C1QTNF2: variants seen among roughly 807,000 people sequenced by gnomAD.
C1QTNF2 encodes the protein C1q and TNF related 2, also known as complement C1q tumor necrosis factor-related protein 2.
A neutral mutation model predicts 17.4 loss-of-function variants in C1QTNF2; 15 were observed. The observed-to-expected ratio is 0.86, with a 90% confidence interval of 0.58 to 1.33. The LOEUF is 1.33. Among genes scored for constraint, C1QTNF2 ranks in the 40% most tolerant of loss-of-function variants. The pLI is 0.00. For synonymous variants in C1QTNF2, 154 were observed against 163.3 expected (o/e 0.94, Z 0.44); for missense variants, 381 against 392.3 (o/e 0.97, Z 0.24).
In C1QTNF2 at chr5:160,349,071, ACTCGACCCCCCACCCC is replaced by A; in HGVS notation, c.*81_*96del. 1 of 1,467,998 alleles carries A rather than the reference ACTCGACCCCCCACCCC, an allele frequency of 6.8e-7. No individual in the cohort carries two copies. The highest frequency in any genetic ancestry group is 9.1e-7 in the Non-Finnish European group (1 of 1,093,784). The allele number at this position is 1,467,998 out of a possible 1,614,324, so 90.9% of individuals were successfully genotyped here. On this transcript the variant is annotated 3_prime_UTR_variant, in exon 3 of 3. Coordinates refer to ENST00000652664, the MANE Select transcript of C1QTNF2 (RefSeq NM_031908.6). The surrounding 1 kb of genome is among the most constrained non-coding windows in gnomAD (Gnocchi z 4.3). ...GGTGAGCCTGAGGCTAGAACCGCTC[ACTCGACCCCCCACCCC>A]CAGCCTACAGTTGTGGGGTCTTGCT...
intron 2 of C1QTNF2, among the ~76,000 whole-genome samples, chr5:160,354,510 C>A (rs1298697073): frequency 1.3e-5 from 2 of 148,680 alleles, no homozygotes; most frequent in Non-Finnish European, 3.0e-5. Flanking sequence ...TCCCAGGAGG[C>A]AGAGGTTGCA....
chr5:160,367,406 G>T (rs1314055867), intron 1 of C1QTNF2, among the ~76,000 whole-genome samples: 1 of 152,198 alleles, frequency 6.6e-6, no homozygotes, highest in Non-Finnish European at 1.5e-5. Flanking sequence ...CTAACTCTTA[G>T]ATTATCAGAA....
intron 2 of C1QTNF2, among the ~76,000 whole-genome samples, 170 bp downstream of exon 2, chr5:160,354,598 G>GTATATATATA (rs1172776724): frequency 0.054 from 1,631 of 30,090 alleles, 82 homozygotes; most frequent in Non-Finnish European, 0.059. Flanking sequence ...AAAAAAAAAA[G>GTATATATATA]TATATATATA....
rs1036719393 is a variant in C1QTNF2, at chr5:160,355,086, G to A, written c.-9-66C>T. 11 of 1,462,068 alleles carry A rather than the reference G, an allele frequency of 7.5e-6. No homozygotes were observed. The African/African-American group carries it at 1.4e-4, about 19-fold the overall frequency. The allele number at this position is 1,462,068 out of a possible 1,614,324, so 90.6% of individuals were successfully genotyped here. On this transcript the variant is annotated intron_variant, in intron 1 of 2. Transcript: ENST00000652664. ...CCAAGCTGACCTGGGGCTGGTCAGAGGGGATGCACAGGAGGAGGCAGCTGG... is the reference window on the plus strand; with the variant it reads ...CCAAGCTGACCTGGGGCTGGTCAGAAGGGATGCACAGGAGGAGGCAGCTGG...
At position 160,354,623 on chromosome 5, in the gene C1QTNF2, T is replaced by TAGATAG. The variant is rs1356180469; in HGVS notation, c.244+144_244+145insCTATCT. The stretch of plus-strand genomic sequence containing the variant: ...GTATATATATATATATATATATATA[T>TAGATAG]ATATATATATAGATTTATAAGTAAA... On this transcript the variant is annotated intron_variant, in intron 2 of 2. Coordinates refer to ENST00000652664, the MANE Select transcript of C1QTNF2 (RefSeq NM_031908.6). 495 of 231,354 alleles carry TAGATAG rather than the reference T, an allele frequency of 2.1e-3. 6 individuals are homozygous for TAGATAG. Among genetic ancestry groups the TAGATAG allele is most frequent in the African/African-American group, 0.015 (464 of 31,404 alleles). 14.3% of individuals were successfully genotyped at this position (231,354 alleles called of 1,614,324 possible). A position where few individuals can be genotyped will look rare whatever the true frequency, so the allele number is the denominator to read the frequency against.
At chr5:160,366,225 G>A (rs993029987) in intron 1 of C1QTNF2, among the ~76,000 whole-genome samples, 3 of 152,110 alleles carry the variant, frequency 2.0e-5, no homozygotes, top group African/African-American at 4.8e-5. Flanking sequence ...CATTCGGCCC[G>A]TGAGCTTTTA....
intron 1 of C1QTNF2, among the ~76,000 whole-genome samples, chr5:160,355,841 T>C (rs1451696337): frequency 1.3e-5 from 2 of 152,110 alleles, no homozygotes; most frequent in African/African-American, 4.8e-5. Context: ...CTATCGTTAG[T>C]GTATTTTATG....
At chr5:160,369,716 C>G (rs1764314360) in intron 1 of C1QTNF2, among the ~76,000 whole-genome samples, 1 of 152,142 alleles carries the variant, frequency 6.6e-6, no homozygotes, top group Non-Finnish European at 1.5e-5. Context: ...AGAGGAGGAT[C>G]ACAATGAGGT....
rs1763827455 is a variant in C1QTNF2 at position 160,347,759 on chromosome 5, TTTTTTTTTTTG to T, written c.*1398_*1408del. 1 of 150,634 alleles carries T rather than the reference TTTTTTTTTTTG, an allele frequency of 6.6e-6. No homozygotes were observed. Among genetic ancestry groups the T allele is most frequent in the African/African-American group, 2.5e-5 (1 of 40,760 alleles). 9.3% of individuals were successfully genotyped at this position (150,634 alleles called of 1,614,324 possible). A position where few individuals can be genotyped will look rare whatever the true frequency, so the allele number is the denominator to read the frequency against. On this transcript the variant is annotated 3_prime_UTR_variant, in exon 3 of 3. Transcript: ENST00000652664. ...TACCTGCGTTTTTGTTTTTGTTTTT[TTTTTTTTTTTG>T]TTTTTTTTTGAGATAGTCTCACTCT...
At chr5:160,367,057 G>A (rs921154960) in intron 1 of C1QTNF2, among the ~76,000 whole-genome samples, 12 of 150,988 alleles carry the variant, frequency 7.9e-5, no homozygotes, top group Admixed American at 5.9e-4. Flanking sequence ...AATAAACAAC[G>A]TGCAGAGACT....
At chr5:160,357,902 A>G (rs1225933769) in intron 1 of C1QTNF2, among the ~76,000 whole-genome samples, 1 of 152,182 alleles carries the variant, frequency 6.6e-6, no homozygotes, top group Non-Finnish European at 1.5e-5. Flanking sequence ...CAGCCGGACG[A>G]GAGAGAGGGA....
In C1QTNF2 at chr5:160,362,913, T is replaced by C. The variant is rs917599098; in HGVS notation, c.-10+7599A>G. Among the ~76,000 whole-genome samples, 19 of 152,344 alleles carry C rather than the reference T, an allele frequency of 1.2e-4. No individual in the cohort carries two copies. In the East Asian group the frequency reaches 3.7e-3, roughly 29 times the overall value. ...GGGTTATTCAGAGAATCAAATAAGATAGTGGATTTGAAAACAAAACGTGAT... is the reference window on the plus strand; with the variant it reads ...GGGTTATTCAGAGAATCAAATAAGACAGTGGATTTGAAAACAAAACGTGAT... On this transcript the variant is annotated intron_variant, in intron 1 of 2. Transcript: ENST00000652664.
Position 160,349,561 on chromosome 5 carries a change from T to A in C1QTNF2, c.465A>T (p.Ala155=). 1 of 1,612,202 alleles carries A rather than the reference T, an allele frequency of 6.2e-7. No individual in the cohort carries two copies. ...GCTCCCGTGGGTAGCTCTTGGTCAC[T>A]GCCACCGAGAAAGCTGACTTGGTAT... ...SGHTKSAFSV[A]VTKSYPRERL... Residue 155 remains alanine (A), a synonymous_variant, in exon 3 of 3, where the codon GCA becomes GCT. Transcript: ENST00000652664. The surrounding 1 kb of genome is among the most constrained non-coding windows in gnomAD (Gnocchi z 4.3).
At chr5:160,351,509 C>T (rs1026219745) in intron 2 of C1QTNF2, among the ~76,000 whole-genome samples, 3 of 152,110 alleles carry the variant, frequency 2.0e-5, no homozygotes, top group African/African-American at 4.8e-5. Flanking sequence ...TTACATAATT[C>T]GGAAATAGGT....
chr5:160,352,395 T>C (rs1254642060), intron 2 of C1QTNF2, among the ~76,000 whole-genome samples: 1 of 152,046 alleles, frequency 6.6e-6, no homozygotes, highest in Non-Finnish European at 1.5e-5. Flanking sequence ...TGATGGCGGG[T>C]GGTTGGATGT....
intron 1 of C1QTNF2, among the ~76,000 whole-genome samples, chr5:160,361,627 A>G (rs4921134): frequency 0.58 from 88,262 of 151,938 alleles, 25,843 homozygotes; most frequent in Middle Eastern, 0.64. Context: ...TGTGTGAGAA[A>G]TGAGTGAAGG....
chr5:160,354,096 G>A (rs1317635655), intron 2 of C1QTNF2, among the ~76,000 whole-genome samples: 1 of 152,052 alleles, frequency 6.6e-6, no homozygotes, highest in Non-Finnish European at 1.5e-5. Flanking sequence ...GAGCCACCGC[G>A]CCTGGCCTGA....
At chr5:160,361,129 C>T (rs2113526862) in intron 1 of C1QTNF2, among the ~76,000 whole-genome samples, 1 of 152,276 alleles carries the variant, frequency 6.6e-6, no homozygotes, top group East Asian at 1.9e-4. Flanking sequence ...TTCAGCTGCC[C>T]AGTCCCTGGG....
intron 1 of C1QTNF2, among the ~76,000 whole-genome samples, chr5:160,360,376 CCAGA>C (rs373526014): frequency 7.4e-4 from 113 of 152,344 alleles, no homozygotes; most frequent in African/African-American, 2.5e-3. Flanking sequence ...GAAGAGAAAA[CCAGA>C]CAGTGGCTGA....
Sources: gnomAD v4.1 joint callset for allele counts (sites outside exome capture counted in the v4.1 genomes callset) on GRCh38, gnomAD v4.1.1 for gene constraint, Gnocchi (gnomAD v3.1) non-coding constraint, MANE v1.5 for transcripts, NCBI Gene and HGNC (gene_info 2026-07-23, HGNC 2026-07-21) for gene names.